The following NIBAN3 variants were observed in gnomAD, a reference collection of about 807,000 sequenced individuals.
The protein encoded by NIBAN3 is protein Niban 3.
A neutral mutation model predicts 76.4 loss-of-function variants in NIBAN3; 66 were observed. That is an observed-to-expected ratio of 0.86 (90% CI 0.71 to 1.06). The LOEUF (loss-of-function observed/expected upper bound fraction) is 1.06. Ranked by LOEUF, NIBAN3 falls within the 50% of genes least tolerant of loss-of-function variation. The probability of loss-of-function intolerance (pLI) is 0.00; values close to 1 mark genes in which losing one functional copy is unlikely to be tolerated. For synonymous variants in NIBAN3, 360 were observed against 355.2 expected (o/e 1.01, Z -0.15); for missense variants, 808 against 810.7 (o/e 1.00, Z 0.04).
At chr19:17,554,033 G>A (rs112882654), downstream of NIBAN3, among the ~76,000 whole-genome samples, 657 of 152,038 alleles carry the variant, frequency 4.3e-3, 3 homozygotes, top group Non-Finnish European at 7.3e-3. Context: ...CACCATGACC[G>A]GCTAATTTTT....
chr19:17,535,426 G>A (rs1296190277), intron 4 of NIBAN3, among the ~76,000 whole-genome samples: 1 of 152,100 alleles, frequency 6.6e-6, no homozygotes, highest in Non-Finnish European at 1.5e-5. Flanking sequence ...AGCAGCCTGG[G>A]CAACAGAGCC....
Position 17,546,688 on chromosome 19 carries a change from G to C in NIBAN3, c.1557G>C (p.Glu519Asp), listed in dbSNP as rs141041739. ...CCCCTAACCCGCCATGGTTCCAGGA[G>C]CTGCCTGAGTTCGAGGGGGATGTCC... ...LSQLEPGCKKELPEFEGDVLA... is the reference protein window; with the variant it reads ...LSQLEPGCKKDLPEFEGDVLA... Residue 519 changes from glutamate (E) to aspartate (D), a missense_variant and splice_region_variant, in exon 13 of 15, where the codon GAG becomes GAC. Coordinates refer to ENST00000599164, the MANE Select transcript of NIBAN3 (RefSeq NM_001321827.2). 1 of 1,567,054 alleles carries C rather than the reference G, an allele frequency of 6.4e-7. No individual in the cohort carries two copies. The highest frequency in any genetic ancestry group is 1.4e-5 in the African/African-American group (1 of 74,058).
chr19:17,536,209 G>C (rs1263494418), intron 4 of NIBAN3, among the ~76,000 whole-genome samples: 4 of 152,144 alleles, frequency 2.6e-5, no homozygotes, highest in Non-Finnish European at 5.9e-5. Flanking sequence ...TTTTTGGACA[G>C]AGTCTTGCTC....
intron 13 of NIBAN3, among the ~76,000 whole-genome samples, chr19:17,548,950 T>A (rs1475190122): frequency 6.6e-6 from 1 of 151,342 alleles, no homozygotes; most frequent in Non-Finnish European, 1.5e-5. Context: ...TTTTTTTTTT[T>A]AAATAAGGTG....
intron 5 of NIBAN3, 50 bp from the exon 6 acceptor site, chr19:17,539,100 G>T (rs2075884036): frequency 1.4e-5 from 21 of 1,487,190 alleles, no homozygotes; most frequent in Non-Finnish European, 1.9e-5. Context: ...GGGCCATCGG[G>T]AGCCAGGCAG....
chr19:17,533,278 C>T (rs771623534), intron 3 of NIBAN3, among the ~76,000 whole-genome samples: 18 of 152,032 alleles, frequency 1.2e-4, no homozygotes, highest in Admixed American at 5.2e-4. Context: ...GCTGTGGTGG[C>T]GGGTGCCTGT....
intron 12 of NIBAN3, among the ~76,000 whole-genome samples, chr19:17,544,989 C>T (rs529027928): frequency 3.0e-4 from 45 of 151,778 alleles, no homozygotes; most frequent in Non-Finnish European, 5.3e-4. Flanking sequence ...ATAGTGAGAC[C>T]CCACCTCTAC....
downstream of NIBAN3, chr19:17,553,726 C>T (rs1419614891): frequency 2.9e-6 from 2 of 681,884 alleles, no homozygotes; most frequent in African/African-American, 3.6e-5. Context: ...AATTTGTCAT[C>T]CTGCCCCTTT....
chr19:17,532,224 C>T, intron 2 of NIBAN3, 39 bp from the exon 3 acceptor site: 2 of 1,578,836 alleles, frequency 1.3e-6, no homozygotes, highest in South Asian at 2.4e-5. Context: ...GGACATCAGC[C>T]CACAGCCCCC....
intron 8 of NIBAN3, 37 bp downstream of exon 8, chr19:17,539,802 G>A: frequency 1.4e-6 from 2 of 1,449,076 alleles, no homozygotes; most frequent in Non-Finnish European, 1.8e-6. Flanking sequence ...TGGGAGGGGC[G>A]AGGCGATGCT....
intron 2 of NIBAN3, 127 bp from the exon 3 acceptor site, chr19:17,532,136 T>C: frequency 7.9e-7 from 1 of 1,260,738 alleles, no homozygotes; most frequent in Non-Finnish European, 1.1e-6. Flanking sequence ...CCTAGGACTC[T>C]CTCTGTCCAG....
chr19:17,540,759 G>GGT (rs2075934745), intron 9 of NIBAN3, among the ~76,000 whole-genome samples, 177 bp downstream of exon 9: 1 of 152,146 alleles, frequency 6.6e-6, no homozygotes, highest in Non-Finnish European at 1.5e-5. Context: ...TTGAGACAGG[G>GGT]GTGTCGCTCT....
chr19:17,525,044 G>A (rs1175635846), upstream of NIBAN3, among the ~76,000 whole-genome samples: 6 of 152,204 alleles, frequency 3.9e-5, no homozygotes, highest in East Asian at 3.8e-4. Context: ...TGAGGGACAC[G>A]TGTTCTCTAT....
At chr19:17,530,284 G>A (rs1008766997) in intron 1 of NIBAN3, among the ~76,000 whole-genome samples, 2 of 151,858 alleles carry the variant, frequency 1.3e-5, no homozygotes, top group Non-Finnish European at 2.9e-5. Flanking sequence ...TCGTGCCAGC[G>A]CACTCCAGCC....
downstream of NIBAN3, among the ~76,000 whole-genome samples, chr19:17,554,153 C>T (rs1054085942): frequency 6.6e-6 from 1 of 152,008 alleles, no homozygotes; most frequent in Non-Finnish European, 1.5e-5. Flanking sequence ...GGATTACAGG[C>T]GTGAGCCACT....
Position 17,532,333 on chromosome 19 carries a change from C to T in NIBAN3, c.257C>T (p.Pro86Leu), listed in dbSNP as rs758123142. ...QLRGHPPRWQPIFCVLRGDGR... is the reference protein window; with the variant it reads ...QLRGHPPRWQLIFCVLRGDGR... ...CGGGGCCACCCACCCCGGTGGCAGC[C>T]GATCTTCTGTGTTCTGCGTGGGGAC... The change falls in exon 3 of 15, where the codon CCG (proline) becomes CTG (leucine). Residue 86 changes from proline (P) to leucine (L), a missense_variant. Coordinates refer to ENST00000599164, the MANE Select transcript of NIBAN3 (RefSeq NM_001321827.2). 21 of 1,614,032 alleles carry T rather than the reference C, an allele frequency of 1.3e-5. No individual in the cohort carries two copies. In the East Asian group the frequency reaches 2.9e-4, roughly 22 times the overall value.
At chr19:17,534,034 A>C (rs2075779519) in intron 4 of NIBAN3, among the ~76,000 whole-genome samples, 1 of 152,152 alleles carries the variant, frequency 6.6e-6, no homozygotes, top group Non-Finnish European at 1.5e-5. Context: ...AGAATAGCAA[A>C]GGATAAAAAC....
chr19:17,550,059 A>T (rs1054376050), intron 14 of NIBAN3, among the ~76,000 whole-genome samples: 1 of 152,024 alleles, frequency 6.6e-6, no homozygotes, highest in Non-Finnish European at 1.5e-5. Context: ...ACCTCACATG[A>T]TCTGACTGCC....
intron 3 of NIBAN3, among the ~76,000 whole-genome samples, chr19:17,532,731 A>C (rs1361417985): frequency 6.6e-6 from 1 of 152,098 alleles, no homozygotes; most frequent in African/African-American, 2.4e-5. Context: ...CTCAGTTTCC[A>C]CTTCTGTGAA....
Sources: allele counts gnomAD v4.1 joint callset (sites outside exome capture counted in the v4.1 genomes callset), GRCh38; gene constraint gnomAD v4.1.1; transcripts MANE v1.5; gene names NCBI Gene and HGNC (gene_info 2026-07-23, HGNC 2026-07-21).